The following CCDC158 variants were observed in gnomAD, a reference collection of about 807,000 sequenced individuals.
CCDC158 encodes the protein coiled-coil domain-containing protein 158.
CCDC158 carries 116 observed loss-of-function variants against 138.6 expected under a neutral mutation model. That is an observed-to-expected ratio of 0.84 (90% CI 0.72 to 0.98). The LOEUF is 0.98. Among genes scored for constraint, CCDC158 ranks in the 50% least tolerant of loss-of-function variants. CCDC158 has a pLI of 0.00. For missense variants in CCDC158, 1,265 were observed against 1,306.1 expected, an observed-to-expected ratio of 0.97 and a Z score of 0.48; for synonymous variants, 436 against 442.4, an observed-to-expected ratio of 0.99 and a Z score of 0.18.
chr4:76,371,334 A>G, intron 10 of CCDC158, 83 bp downstream of exon 10: 1 of 1,371,222 alleles, frequency 7.3e-7, no homozygotes, highest in Non-Finnish European at 1.0e-6. Context: ...TTGTAATTTT[A>G]TAAAGGAAAC....
chr4:76,379,244 T>C, intron 9 of CCDC158, 46 bp downstream of exon 9: 1 of 1,044,624 alleles, frequency 9.6e-7, no homozygotes, highest in Non-Finnish European at 1.4e-6. Context: ...ATATTGATTC[T>C]GGATATTAAA....
chr4:76,399,773 T>C (rs1728174436), intron 3 of CCDC158, among the ~76,000 whole-genome samples: 1 of 152,138 alleles, frequency 6.6e-6, no homozygotes, highest in Non-Finnish European at 1.5e-5. Context: ...ACTTGGCATG[T>C]TTTTATTGAT....
At chr4:76,321,477 A>G (rs1034747951) in intron 24 of CCDC158, among the ~76,000 whole-genome samples, 1 of 151,612 alleles carries the variant, frequency 6.6e-6, no homozygotes, top group African/African-American at 2.4e-5. Context: ...AACAAAATTC[A>G]CAATTGCAAA....
At chr4:76,406,849 C>G (rs986556971) in intron 2 of CCDC158, among the ~76,000 whole-genome samples, 1 of 151,912 alleles carries the variant, frequency 6.6e-6, no homozygotes, top group African/African-American at 2.4e-5. Context: ...AAATTCCCAG[C>G]CCTGGACACC....
intron 1 of CCDC158, among the ~76,000 whole-genome samples, chr4:76,412,991 A>G (rs777862458): frequency 8.5e-5 from 13 of 152,120 alleles, no homozygotes; most frequent in Non-Finnish European, 1.6e-4. Flanking sequence ...ATATCTTCTG[A>G]CCATTTTAAC....
In CCDC158 at chr4:76,333,964, C is replaced by T; in HGVS notation, c.2822+46G>A. ...AACATGTGAATAACTCAATGGCAAA[C>T]CATTCAAGAGATGAGCTTTCCCATT... On this transcript the variant is annotated intron_variant, in intron 19 of 24. Transcript: ENST00000682701. 5 of 1,414,012 alleles carry T rather than the reference C, an allele frequency of 3.5e-6. No individual in the cohort carries two copies. The South Asian group carries it at 7.8e-5, about 22-fold the overall frequency. 87.6% of individuals were successfully genotyped at this position (1,414,012 alleles called of 1,614,324 possible). A position where few individuals can be genotyped will look rare whatever the true frequency, so the allele number is the denominator to read the frequency against.
chr4:76,332,218 T>C (rs1721070093), intron 20 of CCDC158, among the ~76,000 whole-genome samples: 1 of 152,156 alleles, frequency 6.6e-6, no homozygotes. Context: ...CATCAGCAAA[T>C]TTTAAAGAAA....
intron 3 of CCDC158, among the ~76,000 whole-genome samples, chr4:76,397,954 G>A (rs938022664): frequency 6.6e-6 from 1 of 152,204 alleles, no homozygotes; most frequent in Non-Finnish European, 1.5e-5. Context: ...ACGTTTTGAT[G>A]TGTCAGAGAG....
In CCDC158 at chr4:76,323,353, T is replaced by G; in HGVS notation, c.3226A>C (p.Arg1076=). The G allele has an allele frequency of 6.2e-7, 1 of 1,613,280 alleles. No individual in the cohort carries two copies. The highest frequency in any genetic ancestry group is 8.5e-7 in the Non-Finnish European group (1 of 1,179,612). The change falls in exon 24 of 25, where the codon AGA becomes CGA. Residue 1076 remains arginine, a synonymous_variant. Transcript: ENST00000682701. Reference sequence around the variant, plus strand: ...ACCAGAGTTTGCAAGCTTTCTAGTCTGTTCTGAAGCTTCCTGCATGTTTTT... The same window carrying G: ...ACCAGAGTTTGCAAGCTTTCTAGTCGGTTCTGAAGCTTCCTGCATGTTTTT... ...TGKTCRKLQN[R]LESLQTLVED... is the part of the protein sequence containing the mutation.
chr4:76,348,772 A>G (rs1043963477), intron 18 of CCDC158, among the ~76,000 whole-genome samples: 1 of 152,192 alleles, frequency 6.6e-6, no homozygotes, highest in Admixed American at 6.5e-5. Context: ...TAGGCCAGGA[A>G]AGCACAGAGA....
intron 17 of CCDC158, among the ~76,000 whole-genome samples, chr4:76,351,460 T>C (rs1337980642): frequency 1.3e-5 from 2 of 152,190 alleles, no homozygotes; most frequent in Non-Finnish European, 2.9e-5. Context: ...ACTTCACTAG[T>C]ACCTTCACTC....
chr4:76,367,631 A>T lies in CCDC158; in HGVS notation c.1493T>A (p.Ile498Lys). The T allele has an allele frequency of 6.2e-7, 1 of 1,613,956 alleles. No individual in the cohort carries two copies. The highest frequency in any genetic ancestry group is 8.5e-7 in the Non-Finnish European group (1 of 1,179,860). Residue 498 changes from isoleucine (I) to lysine (K), a missense_variant, in exon 12 of 25, where the codon ATA becomes AAA. By Grantham distance (102) the Ile-to-Lys change is moderately radical (BLOSUM62 -3). Coordinates refer to ENST00000682701, the MANE Select transcript of CCDC158 (RefSeq NM_001394954.1). ...KMTLESSERTISDLTTSLQEK... is the reference protein window; with the variant it reads ...KMTLESSERTKSDLTTSLQEK... ...CTGGAGAGAAGTTGTCAGGTCCGATATTGTCCTCTCTGAGCTCTCCAGAGT... is the reference window on the plus strand; with the variant it reads ...CTGGAGAGAAGTTGTCAGGTCCGATTTTGTCCTCTCTGAGCTCTCCAGAGT...
At chr4:76,342,517 A>G (rs1722154197) in intron 18 of CCDC158, among the ~76,000 whole-genome samples, 1 of 152,226 alleles carries the variant, frequency 6.6e-6, no homozygotes. Flanking sequence ...TTTTCAGTAA[A>G]TCTAAGCTAT....
chr4:76,383,877 A>G (rs1033909983), intron 6 of CCDC158, 139 bp from the exon 7 acceptor site: 16 of 715,408 alleles, frequency 2.2e-5, no homozygotes, highest in African/African-American at 3.6e-5. Context: ...CCCATATTTT[A>G]TTAGATCTTT....
intron 22 of CCDC158, 84 bp from the exon 23 acceptor site, chr4:76,326,099 G>T: frequency 8.9e-7 from 1 of 1,119,374 alleles, no homozygotes; most frequent in Non-Finnish European, 1.3e-6. Context: ...AAGCTTTCAT[G>T]AGAAAATGTT....
intron 18 of CCDC158, among the ~76,000 whole-genome samples, chr4:76,347,395 A>G (rs569790898): frequency 6.6e-5 from 10 of 152,290 alleles, no homozygotes; most frequent in Middle Eastern, 3.4e-3. Context: ...GGATGAGTTT[A>G]TGTCCTTTGC....
chr4:76,401,135 T>C, intron 3 of CCDC158: 1 of 257,886 alleles, frequency 3.9e-6, no homozygotes, highest in South Asian at 4.5e-5. Context: ...TTGATATGGG[T>C]ACACTACCTT....
chr4:76,328,634 G>A (rs1053783206), intron 22 of CCDC158, among the ~76,000 whole-genome samples: 2 of 152,180 alleles, frequency 1.3e-5, no homozygotes, highest in Non-Finnish European at 2.9e-5. Flanking sequence ...CTGGGAAAGT[G>A]ACACCTGGGC....
chr4:76,384,695 T>C (rs1726622337), intron 4 of CCDC158, 30 bp from the exon 5 acceptor site: 1 of 1,461,066 alleles, frequency 6.8e-7, no homozygotes, highest in African/African-American at 1.4e-5. Flanking sequence ...AAATTAATCT[T>C]CATTAGAGAA....
Sources: allele counts gnomAD v4.1 joint callset (sites outside exome capture counted in the v4.1 genomes callset), GRCh38; gene constraint gnomAD v4.1.1; transcripts MANE v1.5; gene names NCBI Gene and HGNC (gene_info 2026-07-23, HGNC 2026-07-21).